The following CHD7 variants were observed in gnomAD, a reference collection of about 807,000 sequenced individuals.
CHD7 encodes chromodomain helicase DNA binding protein 7.
Under a neutral mutation model 307.3 loss-of-function variants are expected in CHD7, and 24 were observed. The observed-to-expected ratio is 0.08, with a 90% CI of 0.06 to 0.11. CHD7 has a LOEUF of 0.11. Among genes scored for constraint, CHD7 ranks in the 10% least tolerant of loss-of-function variants. CHD7 has a pLI of 1.00. For missense variants in CHD7, 3,106 were observed against 3,727.1 expected (o/e 0.83, Z 4.34); for synonymous variants, 1,363 against 1,349.9 (o/e 1.01, Z -0.21).
chr8:60,694,300 T>C (rs955764676), intron 1 of CHD7, among the ~76,000 whole-genome samples: 2 of 152,210 alleles, frequency 1.3e-5, no homozygotes, highest in African/African-American at 4.8e-5. Flanking sequence ...ATAACTTTAA[T>C]GTTTGTGAAG....
At chr8:60,745,304 C>T (rs888042563) in intron 2 of CHD7, among the ~76,000 whole-genome samples, 10 of 152,192 alleles carry the variant, frequency 6.6e-5, no homozygotes, top group Non-Finnish European at 1.0e-4. Flanking sequence ...AGGGTGAGCA[C>T]AGTTTGGAAG....
At position 60,743,056 on chromosome 8, in the gene CHD7, C is replaced by T. The variant is rs1809138220; in HGVS notation, c.1624C>T (p.Pro542Ser). 1 of 1,613,978 alleles carries T rather than the reference C, an allele frequency of 6.2e-7. No homozygotes were observed. The highest frequency in any genetic ancestry group is 1.3e-5 in the African/African-American group (1 of 75,054). ...TCACCAGCCTTGGGCACAGCTCCAC[C>T]CATCACCCCAGAACACCCCGCAGAA... Reference protein sequence around the residue: ...PHHQPWAQLHPSPQNTPQKVP... With the variant: ...PHHQPWAQLHSSPQNTPQKVP... Residue 542 changes from proline (P) to serine (S), a missense_variant, in exon 2 of 38, where the codon CCA (proline) becomes TCA (serine). Physicochemically the swap from Pro to Ser is moderately conservative, Grantham distance 74. This residue lies in a region of CHD7 where 998 missense variants were observed against 1,004.5 expected (regional missense o/e 0.99). Coordinates refer to ENST00000423902, the MANE Select transcript of CHD7 (RefSeq NM_017780.4).
rs371595829 is a variant in CHD7, at chr8:60,836,206, T to G, written c.3912T>G (p.Ala1304=). 1.1e-5 allele frequency: 17 copies of G among 1,613,916 alleles called. No homozygotes were observed. In the East Asian group the frequency reaches 1.6e-4, roughly 15 times the overall value. The change falls in exon 16 of 38, where the codon GCT becomes GCG. Residue 1304 remains alanine (A), a synonymous_variant. Transcript: ENST00000423902. ...LIDKLLPKLK[A]GGHRVLIFSQ... ...ACAAGCTGCTGCCAAAACTGAAGGC[T>G]GGTGGCCACAGGGTGCTTATCTTTT... is the stretch of plus-strand genomic sequence containing the variant.
intron 4 of CHD7, among the ~76,000 whole-genome samples, chr8:60,797,851 G>A (rs1812104755): frequency 6.6e-6 from 1 of 152,200 alleles, no homozygotes; most frequent in Non-Finnish European, 1.5e-5. Flanking sequence ...GTCAGCTTTG[G>A]AAAGAAAAGG....
chr8:60,754,361 A>G (rs1809784104), intron 2 of CHD7, among the ~76,000 whole-genome samples: 1 of 152,268 alleles, frequency 6.6e-6, no homozygotes, highest in Non-Finnish European at 1.5e-5. Flanking sequence ...GAATTAAATG[A>G]GATAATGACT....
chr8:60,792,771 A>G (rs2150693006), intron 3 of CHD7, among the ~76,000 whole-genome samples: 1 of 152,256 alleles, frequency 6.6e-6, no homozygotes, highest in Middle Eastern at 3.4e-3. Flanking sequence ...TCTAAATTAA[A>G]CCGTGTACAT....
intron 2 of CHD7, among the ~76,000 whole-genome samples, chr8:60,750,805 T>A (rs1013057173): frequency 6.6e-6 from 1 of 152,232 alleles, no homozygotes; most frequent in South Asian, 2.1e-4. Flanking sequence ...CTGCAAATTC[T>A]TTTTAAAAAC....
chr8:60,862,187 C>G lies in CHD7; in HGVS notation c.7831-9C>G. 1.9e-6 allele frequency: 3 copies of G among 1,598,308 alleles called. No individual in the cohort carries two copies. Among genetic ancestry groups the G allele is most frequent in the Non-Finnish European group, 1.7e-6 (2 of 1,172,230 alleles). ...ACCAATTTTACTAAATATGTTTTTT[C>G]TTTTGCAGAAGAATGCAGATGTGCT... On this transcript the variant is annotated splice_polypyrimidine_tract_variant and intron_variant, in intron 35 of 37. Coordinates refer to ENST00000423902, the MANE Select transcript of CHD7 (RefSeq NM_017780.4).
At chr8:60,851,657 A>G (rs897935753) in intron 28 of CHD7, among the ~76,000 whole-genome samples, 15 of 152,248 alleles carry the variant, frequency 9.9e-5, no homozygotes, top group African/African-American at 3.6e-4. Flanking sequence ...TATTTAGAAT[A>G]TTGACCTTTT....
At position 60,852,628 on chromosome 8, in the gene CHD7, G is replaced by A. The variant is rs1334324535; in HGVS notation, c.6025G>A (p.Glu2009Lys). ...AFARLDKKSD[E>K]SLEKYFSCFV... ...TGCCAGGCTTGACAAAAAATCTGAT[G>A]AGAGTTTGGAGAAATACTTCAGTTG... is the stretch of plus-strand genomic sequence containing the variant. The change falls in exon 30 of 38, where the codon GAG becomes AAG. Residue 2009 changes from glutamate (E) to lysine (K), a missense_variant. Transcript: ENST00000423902. 2 of 1,613,974 alleles carry A rather than the reference G, an allele frequency of 1.2e-6. No homozygotes were observed. Among genetic ancestry groups the A allele is most frequent in the Non-Finnish European group, 1.7e-6 (2 of 1,179,888 alleles).
intron 1 of CHD7, among the ~76,000 whole-genome samples, chr8:60,700,363 A>G (rs1041144383): frequency 6.6e-6 from 1 of 152,204 alleles, no homozygotes; most frequent in South Asian, 2.1e-4. Flanking sequence ...GTTACTTAAC[A>G]GGTTGTGGAG....
At chr8:60,787,897 C>T (rs1811577530) in intron 3 of CHD7, among the ~76,000 whole-genome samples, 1 of 147,864 alleles carries the variant, frequency 6.8e-6, no homozygotes, top group Non-Finnish European at 1.5e-5. Context: ...GGCACGATCT[C>T]GGCTCACTGC....
chr8:60,740,788 C>T (rs1436742308), intron 1 of CHD7, among the ~76,000 whole-genome samples: 1 of 152,066 alleles, frequency 6.6e-6, no homozygotes, highest in Non-Finnish European at 1.5e-5. Flanking sequence ...TTTTCACAGC[C>T]CTTGGTGCTG....
At chr8:60,692,240 C>G (rs1442759761) in intron 1 of CHD7, among the ~76,000 whole-genome samples, 1 of 152,188 alleles carries the variant, frequency 6.6e-6, no homozygotes, top group Non-Finnish European at 1.5e-5. Flanking sequence ...CTGTTTGACA[C>G]ACTAATTACT....
chr8:60,828,582 TGG>T, intron 13 of CHD7, 79 bp from the exon 14 acceptor site: 1 of 1,313,222 alleles, frequency 7.6e-7, no homozygotes, highest in Non-Finnish European at 1.0e-6. Context: ...AGTAGAACAA[TGG>T]GTGTCTAGTG....
In CHD7 at chr8:60,836,903, G is replaced by A. The variant is rs1053656903; in HGVS notation, c.4076G>A (p.Arg1359Lys). ...IDRFSKPDSD[R>K]FVFLLCTRAG... ...AGATTCTCCAAACCTGATTCTGATA[G>A]GTTTGTTTTCCTCCTGTGTACAAGG... Residue 1359 changes from arginine to lysine, a missense_variant, in exon 17 of 38, where the codon AGG becomes AAG. By Grantham distance (26) the Arg-to-Lys change is conservative (BLOSUM62 2). This residue lies in a region of CHD7 where 232 missense variants were observed against 422.5 expected (regional missense o/e 0.55). Transcript: ENST00000423902. 5 of 1,613,888 alleles carry A rather than the reference G, an allele frequency of 3.1e-6. No individual in the cohort carries two copies. Among genetic ancestry groups the A allele is most frequent in the Non-Finnish European group, 4.2e-6 (5 of 1,179,832 alleles).
At chr8:60,837,114 C>G in intron 17 of CHD7, 102 bp downstream of exon 17, 2 of 896,824 alleles carry the variant, frequency 2.2e-6, no homozygotes, top group Non-Finnish European at 3.4e-6. Flanking sequence ...TGCGTCGTCA[C>G]TCAGGCTGTG....
At chr8:60,806,206 C>T (rs1443391195) in intron 6 of CHD7, among the ~76,000 whole-genome samples, 2 of 151,734 alleles carry the variant, frequency 1.3e-5, no homozygotes, top group African/African-American at 4.8e-5. Flanking sequence ...ACTAAAAATA[C>T]AAAAAAAATT....
chr8:60,682,700 A>G (rs1031917928), intron 1 of CHD7, among the ~76,000 whole-genome samples: 2 of 152,226 alleles, frequency 1.3e-5, no homozygotes, highest in African/African-American at 4.8e-5. Context: ...TAGGTAAGCA[A>G]ATATTCACAT....
Sources: allele counts gnomAD v4.1 joint callset (sites outside exome capture counted in the v4.1 genomes callset), GRCh38; gene constraint gnomAD v4.1.1; regional missense constraint gnomAD v4.1.1; transcripts MANE v1.5; gene names NCBI Gene and HGNC (gene_info 2026-07-23, HGNC 2026-07-21).